The following MIOS variants were observed in gnomAD, a reference collection of about 807,000 sequenced individuals.
MIOS encodes GATOR2 complex protein MIOS.
In MIOS, 52 loss-of-function variants were observed where a neutral mutation model predicts 96.9. That is an observed-to-expected ratio of 0.54 (90% CI 0.43 to 0.68). MIOS has a LOEUF of 0.68. MIOS is among the 30% of genes least tolerant of loss of function. The probability of loss-of-function intolerance (pLI) is 0.00; values close to 1 mark genes in which losing one functional copy is unlikely to be tolerated. For missense variants in MIOS, 1,005 were observed against 1,052.8 expected (o/e 0.95, Z 0.63); for synonymous variants, 397 against 359.5 (o/e 1.10, Z -1.18).
rs768307389 is a variant in MIOS, at chr7:7,589,419, C to A, written c.1899C>A (p.Ile633=). The A allele has an allele frequency of 1.2e-6, 2 of 1,612,716 alleles. No homozygotes were observed. Among genetic ancestry groups the A allele is most frequent in the African/African-American group, 1.3e-5 (1 of 74,844 alleles). Residue 633 remains isoleucine, a synonymous_variant, in exon 9 of 13, where the codon ATC becomes ATA. Coordinates refer to ENST00000340080, the MANE Select transcript of MIOS (RefSeq NM_019005.4). ...FLSDTQLNRY[I]EKLTNEMKEA... is the part of the protein sequence containing the mutation. Reference sequence around the variant, plus strand: ...AAATTTTCCAGTTAAATAGATACATCGAAAAGTTGACCAATGAAATGAAAG... The same window carrying A: ...AAATTTTCCAGTTAAATAGATACATAGAAAAGTTGACCAATGAAATGAAAG...
chr7:7,601,399 G>C (rs183780362), intron 11 of MIOS, among the ~76,000 whole-genome samples: 3 of 151,858 alleles, frequency 2.0e-5, no homozygotes, highest in South Asian at 2.1e-4. Flanking sequence ...TATCACCACC[G>C]ATCCCACAGA....
chr7:7,574,519 G>C (rs887255568), intron 5 of MIOS, among the ~76,000 whole-genome samples: 3 of 152,014 alleles, frequency 2.0e-5, no homozygotes, highest in African/African-American at 7.2e-5. Flanking sequence ...CTGATTGTTA[G>C]TTCAGGTTTT....
At chr7:7,593,151 T>C (rs1216529435) in intron 9 of MIOS, among the ~76,000 whole-genome samples, 1 of 152,224 alleles carries the variant, frequency 6.6e-6, no homozygotes, top group Non-Finnish European at 1.5e-5. Context: ...GAAAACATCT[T>C]ATTTTTCTGT....
chr7:7,602,839 C>A (rs899475148), intron 11 of MIOS, among the ~76,000 whole-genome samples: 45 of 152,160 alleles, frequency 3.0e-4, no homozygotes, highest in Non-Finnish European at 5.9e-4. Context: ...GCTACAGTAA[C>A]CAAAACAGCA....
At chr7:7,590,388 T>C (rs1159433149) in intron 9 of MIOS, among the ~76,000 whole-genome samples, 1 of 152,232 alleles carries the variant, frequency 6.6e-6, no homozygotes, top group African/African-American at 2.4e-5. Flanking sequence ...AAATTATGTC[T>C]TTTAAATTAA....
At chr7:7,606,912 C>A in intron 12 of MIOS, 84 bp from the exon 13 acceptor site, 1 of 1,091,344 alleles carries the variant, frequency 9.2e-7, no homozygotes, top group East Asian at 2.6e-5. Flanking sequence ...ATAGGGAGAC[C>A]CTGTCTCTTA....
intron 10 of MIOS, 112 bp downstream of exon 10, chr7:7,595,244 C>G (rs529964724): frequency 1.8e-6 from 2 of 1,134,344 alleles, no homozygotes; most frequent in South Asian, 1.7e-5. Context: ...ATGTCTTTGT[C>G]TTTTGTAGAC....
In MIOS at chr7:7,572,597, G is replaced by A; in HGVS notation, c.122G>A (p.Gly41Glu). Residue 41 changes from glycine to glutamate, a missense_variant, in exon 4 of 13, where the codon GGA (glycine) becomes GAA (glutamate). By Grantham distance (98) the Gly-to-Glu change is moderately conservative. Around this residue, in one of 3 missense-constraint regions of MIOS, gnomAD observed 137 missense variants for 148.6 expected, o/e 0.92. Coordinates refer to ENST00000340080, the MANE Select transcript of MIOS (RefSeq NM_019005.4). This position sits in a 1 kb window ranked among gnomAD's most constrained non-coding sequence, Gnocchi z 4.8. ...ACTGTGAATTCAGAACTCAAAGCTG[G>A]ATCTTTACGTTTATCTGAAGACTCT... ...ESTVNSELKA[G>E]SLRLSEDSAA... is the part of the protein sequence containing the mutation. 6.2e-7 allele frequency: 1 copy of A among 1,614,038 alleles called. No individual in the cohort carries two copies.
chr7:7,599,697 A>G (rs955618653), intron 11 of MIOS, among the ~76,000 whole-genome samples: 1 of 152,214 alleles, frequency 6.6e-6, no homozygotes, highest in Admixed American at 6.6e-5. Flanking sequence ...AAGAAACAGT[A>G]GGAAAATTAG....
intron 11 of MIOS, among the ~76,000 whole-genome samples, chr7:7,597,517 T>TATAAAAAAA (rs372634070): frequency 1.4e-5 from 1 of 70,426 alleles, no homozygotes; most frequent in Non-Finnish European, 2.7e-5. Flanking sequence ...TATATATATA[T>TATAAAAAAA]GAAGGCAATA....
chr7:7,592,620 G>A (rs1157659316), intron 9 of MIOS, among the ~76,000 whole-genome samples: 1 of 151,920 alleles, frequency 6.6e-6, no homozygotes, highest in Non-Finnish European at 1.5e-5. Context: ...TCCCATCTGG[G>A]GATGATGGGA....
chr7:7,567,821 C>T (rs775798247), intron 2 of MIOS, 133 bp downstream of exon 2: 2 of 152,222 alleles, frequency 1.3e-5, no homozygotes, highest in Non-Finnish European at 2.9e-5. Context: ...GTAAAATACA[C>T]ATCGGATTTC....
At chr7:7,585,206 C>G (rs1192185021) in intron 6 of MIOS, among the ~76,000 whole-genome samples, 10 of 152,078 alleles carry the variant, frequency 6.6e-5, no homozygotes, top group Non-Finnish European at 1.0e-4. Context: ...CTTCACTTTT[C>G]TTCATTTAGT....
At chr7:7,600,519 A>T (rs557664710) in intron 11 of MIOS, among the ~76,000 whole-genome samples, 1 of 152,228 alleles carries the variant, frequency 6.6e-6, no homozygotes, top group African/African-American at 2.4e-5. Context: ...AGAACTAACT[A>T]TCCTAAATAT....
At chr7:7,590,616 G>A (rs1784020272) in intron 9 of MIOS, among the ~76,000 whole-genome samples, 3 of 152,054 alleles carry the variant, frequency 2.0e-5, no homozygotes, top group Admixed American at 2.0e-4. Flanking sequence ...CGTTTTGTTT[G>A]TCCTTTTTCC....
intron 3 of MIOS, among the ~76,000 whole-genome samples, chr7:7,571,514 C>T (rs1783353707): frequency 6.6e-6 from 1 of 152,148 alleles, no homozygotes; most frequent in African/African-American, 2.4e-5. Context: ...ATATATTTAG[C>T]ATAGCATACC....
At position 7,607,547 on chromosome 7, in the gene MIOS, T is replaced by C. The variant is rs1011821094; in HGVS notation, c.*455T>C. ...TGTGCTTAGATTTCTTTCAGATTAA[T>C]TTAAAATTACAGATTTTTACTTTTA... On this transcript the variant is annotated 3_prime_UTR_variant, in exon 13 of 13. Coordinates refer to ENST00000340080, the MANE Select transcript of MIOS (RefSeq NM_019005.4). 1 of 153,418 alleles carries C rather than the reference T, an allele frequency of 6.5e-6. No homozygotes were observed. Among genetic ancestry groups the C allele is most frequent in the African/African-American group, 2.4e-5 (1 of 41,186 alleles). 9.5% of individuals were successfully genotyped at this position (153,418 alleles called of 1,614,324 possible).
chr7:7,590,137 T>C (rs1172428669), intron 9 of MIOS, among the ~76,000 whole-genome samples: 2 of 152,224 alleles, frequency 1.3e-5, no homozygotes, highest in African/African-American at 4.8e-5. Context: ...AGCCCTCCAG[T>C]TGATCTTATC....
rs1036810783 is a variant in MIOS at position 7,608,857 on chromosome 7, T to C, written c.*1765T>C. ...TATTATGTAATATGCTTATTTGTAA[T>C]CCTAATATATGAGGGTGACATTTTT... On this transcript the variant is annotated 3_prime_UTR_variant, in exon 13 of 13. Coordinates refer to ENST00000340080, the MANE Select transcript of MIOS (RefSeq NM_019005.4). The C allele has an allele frequency of 2.0e-5, 3 of 152,054 alleles. No individual in the cohort carries two copies. Among genetic ancestry groups the C allele is most frequent in the African/African-American group, 7.2e-5 (3 of 41,446 alleles). The allele number at this position is 152,054 out of a possible 1,614,324, so 9.4% of individuals were successfully genotyped here. A position where few individuals can be genotyped will look rare whatever the true frequency, so the allele number is the denominator to read the frequency against.
Sources: gnomAD v4.1 joint callset for allele counts (sites outside exome capture counted in the v4.1 genomes callset) on GRCh38, gnomAD v4.1.1 for gene constraint, gnomAD v4.1.1 regional missense constraint, Gnocchi (gnomAD v3.1) non-coding constraint, MANE v1.5 for transcripts, NCBI Gene and HGNC (gene_info 2026-07-23, HGNC 2026-07-21) for gene names.